Variants in RYR2 observed in about 807,000 individuals in gnomAD.
RYR2 encodes ryanodine receptor 2.
In RYR2, 227 loss-of-function variants were observed where a neutral mutation model predicts 601.1. That is an observed-to-expected ratio of 0.38 (90% CI 0.34 to 0.42). The LOEUF (loss-of-function observed/expected upper bound fraction) is 0.42, where lower values mean the gene tolerates loss of function less well. RYR2 is among the 10% of genes least tolerant of loss of function. RYR2 has a pLI of 1.00. For missense variants in RYR2, 4,646 were observed against 6,156.5 expected, an observed-to-expected ratio of 0.75 and a Z score of 8.21; for synonymous variants, 2,223 against 2,175.1, an observed-to-expected ratio of 1.02 and a Z score of -0.61.
chr1:237,669,240 G>C (rs1423714891), intron 58 of RYR2, among the ~76,000 whole-genome samples: 2 of 151,614 alleles, frequency 1.3e-5, no homozygotes, highest in African/African-American at 4.8e-5. Flanking sequence ...ATTTTTCTTA[G>C]TACAGAACAA....
chr1:237,539,625 G>T (rs1460091114), intron 25 of RYR2, among the ~76,000 whole-genome samples: 3 of 152,098 alleles, frequency 2.0e-5, no homozygotes, highest in African/African-American at 4.8e-5. Context: ...TCACTTATAA[G>T]TGGGAGCTCA....
intron 1 of RYR2, among the ~76,000 whole-genome samples, chr1:237,199,459 A>C (rs1680940274): frequency 6.6e-6 from 1 of 152,236 alleles, no homozygotes; most frequent in Non-Finnish European, 1.5e-5. Flanking sequence ...AGCATCCAGC[A>C]CGGGAGAAAG....
Position 237,617,505 on chromosome 1 carries a change from A to C in RYR2, c.5916+19A>C. 6.2e-7 allele frequency: 1 copy of C among 1,605,248 alleles called. No individual in the cohort carries two copies. Among genetic ancestry groups the C allele is most frequent in the Non-Finnish European group, 8.5e-7 (1 of 1,174,106 alleles). ...AGAACAGGTACAGAAATGAAATGAA[A>C]ATTCTTCGTATTTATGTTGGCTTTT... On this transcript the variant is annotated intron_variant, in intron 38 of 104. Transcript: ENST00000366574.
chr1:237,506,821 A>C lies in RYR2; in HGVS notation c.2718+7A>C, dbSNP rs1422868487. 1 of 1,606,732 alleles carries C rather than the reference A, an allele frequency of 6.2e-7. No homozygotes were observed. Among genetic ancestry groups the C allele is most frequent in the Admixed American group, 1.7e-5 (1 of 59,926 alleles). Reference sequence around the variant, plus strand: ...TGGCTGGCAGTATGGTCCGGTATGTAATTTTGAAATTTATTTTCAGATTCT... The same window carrying C: ...TGGCTGGCAGTATGGTCCGGTATGTCATTTTGAAATTTATTTTCAGATTCT... On this transcript the variant is annotated splice_region_variant and intron_variant, in intron 23 of 104. Transcript: ENST00000366574.
intron 2 of RYR2, among the ~76,000 whole-genome samples, chr1:237,319,075 C>A (rs1471602291): frequency 6.6e-6 from 1 of 152,014 alleles, no homozygotes; most frequent in Non-Finnish European, 1.5e-5. Context: ...CTTCTTCAAT[C>A]TGCAATTGAA....
intron 80 of RYR2, among the ~76,000 whole-genome samples, chr1:237,748,600 G>T (rs1692279999): frequency 6.6e-6 from 1 of 152,180 alleles, no homozygotes; most frequent in African/African-American, 2.4e-5. Context: ...CAGAAGCAAG[G>T]CAAGTAGCCA....
chr1:237,544,019 A>T (rs1006453036), intron 25 of RYR2, among the ~76,000 whole-genome samples: 4 of 152,108 alleles, frequency 2.6e-5, no homozygotes, highest in African/African-American at 9.7e-5. Flanking sequence ...AGAGGTATTT[A>T]AAAAAAATTT....
intron 1 of RYR2, among the ~76,000 whole-genome samples, chr1:237,227,976 T>A (rs76961396): frequency 1.2e-5 from 1 of 82,894 alleles, no homozygotes. Flanking sequence ...CTTTTTTTTT[T>A]TATTTTTGAT....
chr1:237,395,621 A>G (rs1254571258), intron 10 of RYR2, among the ~76,000 whole-genome samples: 5 of 135,802 alleles, frequency 3.7e-5, no homozygotes, highest in African/African-American at 1.4e-4. Flanking sequence ...ATCTCTGCTC[A>G]CTGCAAGCTC....
At chr1:237,519,426 G>A (rs1367876337) in intron 24 of RYR2, among the ~76,000 whole-genome samples, 1 of 152,092 alleles carries the variant, frequency 6.6e-6, no homozygotes, top group Admixed American at 6.6e-5. Context: ...TTTTGTTTAA[G>A]TCTTAACCCA....
intron 1 of RYR2, among the ~76,000 whole-genome samples, chr1:237,144,431 T>C (rs1279468474): frequency 6.6e-6 from 1 of 152,198 alleles, no homozygotes; most frequent in African/African-American, 2.4e-5. Flanking sequence ...TAGACTGCCG[T>C]CTTCCAGTAG....
chr1:237,167,455 G>A (rs1676835408), intron 1 of RYR2, among the ~76,000 whole-genome samples: 1 of 152,068 alleles, frequency 6.6e-6, no homozygotes, highest in Non-Finnish European at 1.5e-5. Flanking sequence ...AGTATCTCTG[G>A]GAATGATGGT....
intron 1 of RYR2, among the ~76,000 whole-genome samples, chr1:237,140,625 G>A (rs537289920): frequency 1.3e-5 from 2 of 152,324 alleles, no homozygotes; most frequent in South Asian, 4.1e-4. Flanking sequence ...TAAATAGAGT[G>A]AAATCAGGCA....
rs576954485 is a variant in RYR2, at chr1:237,092,616, G to T, written c.48+50047G>T. ...GTGATTTCGGCTCACTGCAACCTCC[G>T]CCTCCTGGGTTCAAGTGATTCTCCT... On this transcript the variant is annotated intron_variant, in intron 1 of 104. Transcript: ENST00000366574. Among the ~76,000 whole-genome samples the T allele has an allele frequency of 6.9e-4, 102 of 148,152 alleles. 1 individual carries two copies. The highest frequency in any genetic ancestry group is 1.3e-3 in the Non-Finnish European group (88 of 67,616).
At position 237,571,567 on chromosome 1, in the gene RYR2, G is replaced by A. The variant is rs375660059; in HGVS notation, c.3598+2248G>A. On this transcript the variant is annotated intron_variant, in intron 29 of 104. Transcript: ENST00000366574. ...TGACCTCAGGTGATCCACCCGCCTCGGCCTCCCAAAGTGCTGGGAATATAG... is the reference window on the plus strand; with the variant it reads ...TGACCTCAGGTGATCCACCCGCCTCAGCCTCCCAAAGTGCTGGGAATATAG... Among the ~76,000 whole-genome samples the A allele has an allele frequency of 4.5e-4, 69 of 152,012 alleles. 1 individual carries two copies. In the South Asian group the frequency reaches 0.01, roughly 23 times the overall value.
chr1:237,147,432 A>G (rs184794525), intron 1 of RYR2, among the ~76,000 whole-genome samples: 15 of 152,288 alleles, frequency 9.8e-5, no homozygotes, highest in African/African-American at 3.4e-4. Context: ...CACACAAATT[A>G]TCTGTTGCTT....
intron 5 of RYR2, among the ~76,000 whole-genome samples, chr1:237,367,893 C>T (rs1032161861): frequency 7.9e-5 from 12 of 152,174 alleles, no homozygotes; most frequent in African/African-American, 2.9e-4. Flanking sequence ...GAGTACTTAC[C>T]ATGGCCTGAC....
chr1:237,796,207 G>GATA (rs940586649), intron 96 of RYR2, among the ~76,000 whole-genome samples: 4 of 151,974 alleles, frequency 2.6e-5, no homozygotes, highest in African/African-American at 9.7e-5. Context: ...GTTTTAAATA[G>GATA]ATAATTTGAA....
intron 62 of RYR2, among the ~76,000 whole-genome samples, chr1:237,686,943 T>A (rs1187498938): frequency 1.3e-5 from 2 of 152,158 alleles, no homozygotes; most frequent in African/African-American, 4.8e-5. Context: ...GTGATCAAGG[T>A]TGGGGACGAA....
Sources: gnomAD v4.1 joint callset for allele counts (sites outside exome capture counted in the v4.1 genomes callset) on GRCh38, gnomAD v4.1.1 for gene constraint, MANE v1.5 for transcripts, NCBI Gene and HGNC (gene_info 2026-07-23, HGNC 2026-07-21) for gene names.